TMEM120B: variants seen among roughly 807,000 people sequenced by gnomAD.
The protein encoded by TMEM120B is transmembrane protein 120B.
Under a neutral mutation model 55.5 loss-of-function variants are expected in TMEM120B, and 31 were observed. That is an observed-to-expected ratio of 0.56 (90% CI 0.42 to 0.75). The LOEUF is 0.75. TMEM120B is among the 30% of genes least tolerant of loss of function. The probability of loss-of-function intolerance (pLI) is 0.00; values close to 1 mark genes in which losing one functional copy is unlikely to be tolerated. For missense variants in TMEM120B, 399 were observed against 425.5 expected (o/e 0.94, Z 0.55); for synonymous variants, 203 against 176.3 (o/e 1.15, Z -1.20).
intron 1 of TMEM120B, among the ~76,000 whole-genome samples, chr12:121,715,724 C>G (rs754626088): frequency 6.6e-6 from 1 of 152,014 alleles, no homozygotes; most frequent in African/African-American, 2.4e-5. Context: ...GATCATAGAT[C>G]GGAGCAGAAA....
At chr12:121,742,329 T>C (rs1872956244) in intron 1 of TMEM120B, among the ~76,000 whole-genome samples, 1 of 152,106 alleles carries the variant, frequency 6.6e-6, no homozygotes, top group African/African-American at 2.4e-5. Context: ...CCTAGGTGCC[T>C]TGCTTGGCAG....
chr12:121,764,614 G>A (rs547097458), intron 6 of TMEM120B, among the ~76,000 whole-genome samples: 3 of 151,930 alleles, frequency 2.0e-5, no homozygotes, highest in African/African-American at 7.2e-5. Context: ...AGGAGGTTGA[G>A]GCCACTGCAC....
rs199806160 is a variant in TMEM120B at position 121,772,109 on chromosome 12, TTC to T, written c.679+574_679+575del. Among the ~76,000 whole-genome samples the T allele has an allele frequency of 7.5e-5, 11 of 147,376 alleles. 2 individuals are homozygous for T. In the South Asian group the frequency reaches 1.1e-3, roughly 15 times the overall value. On this transcript the variant is annotated intron_variant, in intron 8 of 11. Transcript: ENST00000449592. ...TTTCTCTCTCTCTCTCTTTCTCTCT[TTC>T]TCTCTCTCTCTCTTTCTCTCTTTCT...
chr12:121,780,907 G>C lies in TMEM120B; in HGVS notation c.*5185G>C, dbSNP rs757261415. 1 of 1,613,792 alleles carries C rather than the reference G, an allele frequency of 6.2e-7. No homozygotes were observed. Among genetic ancestry groups the C allele is most frequent in the Non-Finnish European group, 8.5e-7 (1 of 1,179,916 alleles). On this transcript the variant is annotated 3_prime_UTR_variant, in exon 12 of 12. Transcript: ENST00000449592. ...GTGATGGGCTCCAGCTGGGCGGCCC[G>C]GAGCTTCCGCAGCTGCTCCTTGTCC... is the stretch of plus-strand genomic sequence containing the variant.
At chr12:121,725,137 T>A (rs1315092164) in intron 1 of TMEM120B, among the ~76,000 whole-genome samples, 1 of 152,250 alleles carries the variant, frequency 6.6e-6, no homozygotes, top group East Asian at 1.9e-4. Context: ...TTCTATGAAG[T>A]GTGCTTTGTT....
rs1874374856 is a variant in TMEM120B, at chr12:121,779,658, AG to A, written c.*3938del. On this transcript the variant is annotated 3_prime_UTR_variant, in exon 12 of 12. Coordinates refer to ENST00000449592, the MANE Select transcript of TMEM120B (RefSeq NM_001080825.2). ...AGCTCGGATCTGTTCGCAGGCGCTC[AG>A]GCCCTGGGTGGGGGGAGGAGCCAGC... 6.2e-7 allele frequency: 1 copy of A among 1,613,844 alleles called. No individual in the cohort carries two copies. The highest frequency in any genetic ancestry group is 8.5e-7 in the Non-Finnish European group (1 of 1,179,850).
At chr12:121,735,276 A>G (rs1304351992) in intron 1 of TMEM120B, among the ~76,000 whole-genome samples, 1 of 152,158 alleles carries the variant, frequency 6.6e-6, no homozygotes, top group East Asian at 1.9e-4. Flanking sequence ...AGCAGCAGAA[A>G]CTGCTTATTA....
rs1379837464 is a variant in TMEM120B at position 121,781,519 on chromosome 12, A to T, written c.*5797A>T. The T allele has an allele frequency of 6.6e-6, 2 of 302,214 alleles. No homozygotes were observed. The highest frequency in any genetic ancestry group is 4.3e-5 in the African/African-American group (2 of 46,332). 18.7% of individuals were successfully genotyped at this position (302,214 alleles called of 1,614,324 possible). The stretch of plus-strand genomic sequence containing the variant: ...CAGCCCCCCAGTCCTGGATGGTGGT[A>T]AAGAATCCTCAAGATCAAACCCACG... On this transcript the variant is annotated 3_prime_UTR_variant, in exon 12 of 12. Coordinates refer to ENST00000449592, the MANE Select transcript of TMEM120B (RefSeq NM_001080825.2).
intron 1 of TMEM120B, among the ~76,000 whole-genome samples, chr12:121,734,147 G>T (rs1306573250): frequency 2.2e-5 from 3 of 138,308 alleles, no homozygotes; most frequent in African/African-American, 8.9e-5. Context: ...TATAGACAGG[G>T]CATAGAGGGA....
At position 121,746,166 on chromosome 12, in the gene TMEM120B, T is replaced by G. The variant is rs192476003; in HGVS notation, c.189-2160T>G. On this transcript the variant is annotated intron_variant, in intron 2 of 11. Coordinates refer to ENST00000449592, the MANE Select transcript of TMEM120B (RefSeq NM_001080825.2). ...ATGAGCCACCACACCCAGCCCCTGG[T>G]TGTTTTCTTAAACCGCCCCCCCACT... Among the ~76,000 whole-genome samples, 5 of 151,366 alleles carry G rather than the reference T, an allele frequency of 3.3e-5. No individual in the cohort carries two copies. In the East Asian group the frequency reaches 7.8e-4, roughly 24 times the overall value.
chr12:121,777,330 G>A lies in TMEM120B; in HGVS notation c.*1608G>A, dbSNP rs1874278927. 1 of 151,774 alleles carries A rather than the reference G, an allele frequency of 6.6e-6. No homozygotes were observed. The highest frequency in any genetic ancestry group is 1.5e-5 in the Non-Finnish European group (1 of 68,028). 9.4% of individuals were successfully genotyped at this position (151,774 alleles called of 1,614,324 possible). ...GGGTCTCACTATGTTGCCCAGGCTG[G>A]TCTCCAACTCATGGGCTCAACTCAT... is the stretch of plus-strand genomic sequence containing the variant. On this transcript the variant is annotated 3_prime_UTR_variant, in exon 12 of 12. Coordinates refer to ENST00000449592, the MANE Select transcript of TMEM120B (RefSeq NM_001080825.2).
In TMEM120B at chr12:121,742,222, C is replaced by T. The variant is rs372365760; in HGVS notation, c.70-1407C>T. On this transcript the variant is annotated intron_variant, in intron 1 of 11. Transcript: ENST00000449592. ...TTCACTATTTTGGTCAGGCTGGTCT[C>T]GAACTCCTGACCTCAAATTATCTGC... Among the ~76,000 whole-genome samples the T allele has an allele frequency of 2.6e-5, 4 of 152,152 alleles. No homozygotes were observed. In the East Asian group the frequency reaches 5.8e-4, roughly 22 times the overall value.
chr12:121,734,564 G>T (rs1895068829), intron 1 of TMEM120B, among the ~76,000 whole-genome samples: 1 of 151,130 alleles, frequency 6.6e-6, no homozygotes, highest in South Asian at 2.1e-4. Context: ...GGCCATGAAA[G>T]TTTCTTTTTC....
intron 9 of TMEM120B, among the ~76,000 whole-genome samples, chr12:121,774,392 T>C (rs1874166251): frequency 6.6e-6 from 1 of 152,144 alleles, no homozygotes; most frequent in Non-Finnish European, 1.5e-5. Context: ...TTAAAGAAAT[T>C]AGTAACAACA....
At position 121,759,073 on chromosome 12, in the gene TMEM120B, T is replaced by C. The variant is rs1592942501; in HGVS notation, c.462-2576T>C. 4 of 974,708 alleles carry C rather than the reference T, an allele frequency of 4.1e-6. No homozygotes were observed. The South Asian group carries it at 1.4e-4, about 35-fold the overall frequency. 60.4% of individuals were successfully genotyped at this position (974,708 alleles called of 1,614,324 possible). A position where few individuals can be genotyped will look rare whatever the true frequency, so the allele number is the denominator to read the frequency against. ...ATGGTTTAAGGGGACACAGGGAGTT[T>C]ATAGCTTAACACTGCAGACAACCTA... On this transcript the variant is annotated intron_variant, in intron 5 of 11. Transcript: ENST00000449592.
intron 3 of TMEM120B, among the ~76,000 whole-genome samples, chr12:121,750,075 GC>G (rs1873227862): frequency 6.6e-6 from 1 of 151,808 alleles, no homozygotes; most frequent in South Asian, 2.1e-4. Flanking sequence ...TTGTACCTTT[GC>G]CTCCACCTCA....
At chr12:121,743,597 A>C (rs781065721) in intron 1 of TMEM120B, 32 bp from the exon 2 acceptor site, 115 of 1,554,960 alleles carry the variant, frequency 7.4e-5, no homozygotes, top group Non-Finnish European at 9.8e-5. Flanking sequence ...ATATTCTCCC[A>C]CACACCCTCC....
At chr12:121,732,547 A>G (rs150062423) in intron 1 of TMEM120B, among the ~76,000 whole-genome samples, 69 of 152,298 alleles carry the variant, frequency 4.5e-4, no homozygotes, top group African/African-American at 1.6e-3. Context: ...TCACCAGTGG[A>G]ACATTAGAAA....
At chr12:121,720,625 C>G (rs1234393830) in intron 1 of TMEM120B, among the ~76,000 whole-genome samples, 2 of 151,968 alleles carry the variant, frequency 1.3e-5, no homozygotes, top group Non-Finnish European at 2.9e-5. Flanking sequence ...AGAGGAGGAT[C>G]GCCTGAGCCC....
Sources: gnomAD v4.1 joint callset for allele counts (sites outside exome capture counted in the v4.1 genomes callset) on GRCh38, gnomAD v4.1.1 for gene constraint, MANE v1.5 for transcripts, NCBI Gene and HGNC (gene_info 2026-07-23, HGNC 2026-07-21) for gene names.